Variants in LHFPL1 observed in about 807,000 individuals in gnomAD.
LHFPL1 encodes the protein LHFPL tetraspan subfamily member 1.
LHFPL1 carries 4 observed loss-of-function variants against 12.1 expected under a neutral mutation model. The observed-to-expected ratio is 0.33, with a 90% CI of 0.16 to 0.76. LHFPL1 has a LOEUF of 0.76. Among genes scored for constraint, LHFPL1 ranks in the 30% least tolerant of loss-of-function variants. The pLI is 0.61. For synonymous variants in LHFPL1, 52 were observed against 61.9 expected (o/e 0.84, Z 0.75); for missense variants, 141 against 174.1 (o/e 0.81, Z 1.07).
intron 1 of LHFPL1, among the ~76,000 whole-genome samples, chrX:112,677,651 G>T (rs1327731533): frequency 3.6e-5 from 3 of 83,426 alleles, no homozygotes; most frequent in African/African-American, 1.3e-4. Context: ...TTCTGTTTCA[G>T]ACAAAGCTTC....
At chrX:112,669,609 T>C (rs187858861) in intron 2 of LHFPL1, among the ~76,000 whole-genome samples, 114 of 112,485 alleles carry the variant, frequency 1.0e-3, no homozygotes, top group African/African-American at 3.5e-3. Flanking sequence ...ATGCTTTTCA[T>C]AATCAAGCCA....
At chrX:112,658,888 G>T (rs1931091017) in intron 3 of LHFPL1, among the ~76,000 whole-genome samples, 1 of 111,607 alleles carries the variant, frequency 9.0e-6, no homozygotes, top group Admixed American at 9.5e-5. Context: ...TTCATCAAAT[G>T]ATAAATGGAT....
chrX:112,665,663 C>A (rs1380162931), intron 2 of LHFPL1, among the ~76,000 whole-genome samples: 1 of 111,963 alleles, frequency 8.9e-6, no homozygotes, highest in Non-Finnish European at 1.9e-5. Flanking sequence ...CTGCTCCCCT[C>A]CCTAAGAATC....
chrX:112,642,444 G>C (rs1409750994), intron 3 of LHFPL1, among the ~76,000 whole-genome samples: 1 of 106,709 alleles, frequency 9.4e-6, no homozygotes, highest in Non-Finnish European at 1.9e-5. Flanking sequence ...ACAGAAACAA[G>C]GAATTAAGTG....
intron 3 of LHFPL1, among the ~76,000 whole-genome samples, chrX:112,660,132 T>G (rs773864800): frequency 8.9e-6 from 1 of 112,441 alleles, no homozygotes; most frequent in South Asian, 3.7e-4. Context: ...AGAGAATGGT[T>G]CAGGGCTACT....
Position 112,671,082 on chromosome X carries a change from G to A in LHFPL1, c.309C>T (p.Val103=). ...TGAGCTCCTCCATGCAGCAACCCAG[G>A]ACAGCAGCTAGTGCCACCAGGAGCA... ...ALLLLVALAA[V]LGCCMEELIS... The change falls in exon 2 of 4, where the codon GTC becomes GTT. Residue 103 remains valine (V), a synonymous_variant. Transcript: ENST00000371968. The A allele has an allele frequency of 8.3e-7, 1 of 1,211,876 alleles. No individual in the cohort carries two copies. The highest frequency in any genetic ancestry group is 1.1e-6 in the Non-Finnish European group (1 of 895,411).
rs185900486 is a variant in LHFPL1, at chrX:112,665,015, C to T, written c.383-4290G>A. ...TGGTACCAACATTTAAGAAAAACAC[C>T]ACTAAAAATGTTAAGAGCAGAAGCT... On this transcript the variant is annotated intron_variant, in intron 2 of 3. Coordinates refer to ENST00000371968, the MANE Select transcript of LHFPL1 (RefSeq NM_178175.4). 4.5e-5 allele frequency among the ~76,000 whole-genome samples: 5 copies of T among 111,232 alleles called. No individual in the cohort carries two copies. The Admixed American group carries it at 4.8e-4, about 11-fold the overall frequency.
At chrX:112,632,755 T>C (rs1324311609) in intron 3 of LHFPL1, among the ~76,000 whole-genome samples, 1 of 111,977 alleles carries the variant, frequency 8.9e-6, no homozygotes, top group Non-Finnish European at 1.9e-5. Context: ...AGTTGATTAG[T>C]TGGTGTCTCC....
At chrX:112,660,056 T>C (rs1382707527) in intron 3 of LHFPL1, among the ~76,000 whole-genome samples, 1 of 112,238 alleles carries the variant, frequency 8.9e-6, no homozygotes, top group Non-Finnish European at 1.9e-5. Context: ...GTCTTCCAAT[T>C]AGAATCTAAT....
intron 3 of LHFPL1, among the ~76,000 whole-genome samples, chrX:112,658,681 G>A (rs1409659621): frequency 1.8e-5 from 2 of 111,142 alleles, no homozygotes; most frequent in East Asian, 2.8e-4. Flanking sequence ...CATTGTTGGT[G>A]GGAATGTAAA....
chrX:112,675,905 A>C (rs1931642090), intron 1 of LHFPL1, among the ~76,000 whole-genome samples: 1 of 112,512 alleles, frequency 8.9e-6, no homozygotes, highest in Admixed American at 9.4e-5. Flanking sequence ...AAGCTTATAC[A>C]CTTTAAATGC....
chrX:112,658,451 G>GA (rs113122667), intron 3 of LHFPL1, among the ~76,000 whole-genome samples: 115 of 84,344 alleles, frequency 1.4e-3, no homozygotes, highest in African/African-American at 1.9e-3. Context: ...AAAGAAAAAA[G>GA]AAAAAAAAAA....
At chrX:112,638,571 A>T (rs1256843204) in intron 3 of LHFPL1, among the ~76,000 whole-genome samples, 1 of 111,541 alleles carries the variant, frequency 9.0e-6, no homozygotes, top group Non-Finnish European at 1.9e-5. Context: ...GAAGATTAGA[A>T]CAATAGAGAT....
At chrX:112,651,895 T>A (rs1930863697) in intron 3 of LHFPL1, among the ~76,000 whole-genome samples, 1 of 112,502 alleles carries the variant, frequency 8.9e-6, no homozygotes, top group Admixed American at 9.4e-5. Flanking sequence ...TAGGATAAAA[T>A]ACAAAGTCCT....
At chrX:112,659,374 C>T (rs760454762) in intron 3 of LHFPL1, among the ~76,000 whole-genome samples, 1 of 110,736 alleles carries the variant, frequency 9.0e-6, no homozygotes, top group Non-Finnish European at 1.9e-5. Flanking sequence ...TCAGGAGAAT[C>T]GCTTGAACCT....
chrX:112,648,833 A>G, intron 3 of LHFPL1: 1 of 111,858 alleles, frequency 8.9e-6, no homozygotes. Flanking sequence ...AAGTTGAAAC[A>G]TATTATTTTT....
chrX:112,671,026 G>T lies in LHFPL1; in HGVS notation c.365C>A (p.Ala122Glu). The change falls in exon 2 of 4, where the codon GCA (alanine) becomes GAA (glutamate). Residue 122 changes from alanine (A) to glutamate (E), a missense_variant. Physicochemically the swap from Ala to Glu is moderately radical, Grantham distance 107 (BLOSUM62 -1). Transcript: ENST00000371968. ...AGTCTTACCTCCAACAAACTGCGCTGCTCCCATGCAACGTCCCATCATTCT... is the reference window on the plus strand; with the variant it reads ...AGTCTTACCTCCAACAAACTGCGCTTCTCCCATGCAACGTCCCATCATTCT... ...ISRMMGRCMG[A>E]AQFVGGLLIS... 1 of 1,210,251 alleles carries T rather than the reference G, an allele frequency of 8.3e-7. No homozygotes were observed. Among genetic ancestry groups the T allele is most frequent in the African/African-American group, 1.7e-5 (1 of 57,755 alleles).
At chrX:112,678,797 A>G (rs1188675322) in intron 1 of LHFPL1, among the ~76,000 whole-genome samples, 1 of 111,821 alleles carries the variant, frequency 8.9e-6, no homozygotes, top group African/African-American at 3.3e-5. Context: ...AAAATCCTCA[A>G]TTTATTCTAA....
intron 3 of LHFPL1, among the ~76,000 whole-genome samples, chrX:112,640,084 A>C (rs1198903285): frequency 2.7e-5 from 3 of 111,441 alleles, no homozygotes; most frequent in African/African-American, 9.8e-5. Flanking sequence ...TGGAATAGTA[A>C]TAGCTAATAT....
Sources: allele counts gnomAD v4.1 joint callset (sites outside exome capture counted in the v4.1 genomes callset), GRCh38; gene constraint gnomAD v4.1.1; transcripts MANE v1.5; gene names NCBI Gene and HGNC (gene_info 2026-07-23, HGNC 2026-07-21).